FAM227A: variants seen among roughly 807,000 people sequenced by gnomAD.
FAM227A encodes the protein family with sequence similarity 227 member A, also known as protein FAM227A.
FAM227A carries 80 observed loss-of-function variants against 74.7 expected under a neutral mutation model. The ratio of observed to expected loss-of-function variants is 1.07; its 90% confidence interval spans 0.89 to 1.29. The LOEUF is 1.29. FAM227A is among the 50% of genes most tolerant of loss of function. The pLI is 0.00. For synonymous variants in FAM227A, 237 were observed against 241.8 expected, an observed-to-expected ratio of 0.98 and a Z score of 0.19; for missense variants, 654 against 683.4, an observed-to-expected ratio of 0.96 and a Z score of 0.48.
At chr22:38,624,250 C>T (rs1394944826) in intron 9 of FAM227A, among the ~76,000 whole-genome samples, 2 of 152,150 alleles carry the variant, frequency 1.3e-5, no homozygotes, top group African/African-American at 4.8e-5. Flanking sequence ...ACTAAAAATA[C>T]AAAAATTAGC....
chr22:38,612,981 C>T (rs2091447713), intron 11 of FAM227A, among the ~76,000 whole-genome samples: 1 of 143,556 alleles, frequency 7.0e-6, no homozygotes, highest in Admixed American at 7.8e-5. Context: ...TTCCTCCTTA[C>T]AGAGGCCTTC....
chr22:38,621,106 G>A (rs2091679716), intron 10 of FAM227A, among the ~76,000 whole-genome samples: 1 of 152,048 alleles, frequency 6.6e-6, no homozygotes. Flanking sequence ...GGAGGCCAAG[G>A]TGGGTGGATT....
chr22:38,644,921 C>T (rs1006278854), intron 3 of FAM227A, among the ~76,000 whole-genome samples: 4 of 151,840 alleles, frequency 2.6e-5, no homozygotes, highest in African/African-American at 7.3e-5. Context: ...AACCCTTTCT[C>T]TACCAAAAAT....
rs2092304886 is a variant in FAM227A at position 38,650,232 on chromosome 22, C to T, written c.-64G>A. 9 of 1,488,420 alleles carry T rather than the reference C, an allele frequency of 6.0e-6. No individual in the cohort carries two copies. The highest frequency in any genetic ancestry group is 4.0e-5 in the Admixed American group (2 of 49,644). The allele number at this position is 1,488,420 out of a possible 1,614,324, so 92.2% of individuals were successfully genotyped here. ...ACTTTTAAGAGCCTCTCATTTCCCA[C>T]TCCAATCTTGTCGTTTGTTTAATCA... On this transcript the variant is annotated 5_prime_UTR_variant, in exon 2 of 17. The change creates a new upstream start codon in the 5' untranslated region. Transcript: ENST00000535113.
chr22:38,639,786 G>T (rs2092075985), intron 3 of FAM227A, 62 bp from the exon 4 acceptor site: 2 of 1,185,170 alleles, frequency 1.7e-6, no homozygotes, highest in Non-Finnish European at 2.5e-6. Context: ...GAAGGGTGGG[G>T]TTAGGGTCTA....
At position 38,656,368 on chromosome 22, in the gene FAM227A, A is replaced by C. The variant is rs1476814162; in HGVS notation, c.-343T>G. Reference sequence around the variant, plus strand: ...ACTTTCCCGTTTAGCATAACAATGGAACCTTCGTGAGCCGCCGCGTTGTCC... The same window carrying C: ...ACTTTCCCGTTTAGCATAACAATGGCACCTTCGTGAGCCGCCGCGTTGTCC... On this transcript the variant is annotated 5_prime_UTR_variant, in exon 1 of 17. Transcript: ENST00000535113. The C allele has an allele frequency of 3.3e-5, 5 of 152,296 alleles. No homozygotes were observed. The highest frequency in any genetic ancestry group is 7.3e-5 in the Non-Finnish European group (5 of 68,108). 9.4% of individuals were successfully genotyped at this position (152,296 alleles called of 1,614,324 possible).
chr22:38,600,529 G>C (rs1294130653), intron 13 of FAM227A, among the ~76,000 whole-genome samples: 3 of 151,380 alleles, frequency 2.0e-5, no homozygotes, highest in Non-Finnish European at 2.9e-5. Context: ...GTAGAGACAG[G>C]GTTTCACCAC....
chr22:38,613,175 TATTA>T (rs1485789748), intron 11 of FAM227A, among the ~76,000 whole-genome samples: 3 of 82,600 alleles, frequency 3.6e-5, no homozygotes, highest in African/African-American at 1.1e-4. Context: ...GCTGTATATA[TATTA>T]TATATAATAT....
chr22:38,582,271 C>T lies in FAM227A; in HGVS notation c.*3854G>A. 7.1e-7 allele frequency: 1 copy of T among 1,415,684 alleles called. No individual in the cohort carries two copies. The highest frequency in any genetic ancestry group is 9.7e-7 in the Non-Finnish European group (1 of 1,031,394). The allele number at this position is 1,415,684 out of a possible 1,614,324, so 87.7% of individuals were successfully genotyped here. A position where few individuals can be genotyped will look rare whatever the true frequency, so the allele number is the denominator to read the frequency against. On this transcript the variant is annotated 3_prime_UTR_variant, in exon 17 of 17. Coordinates refer to ENST00000535113, the MANE Select transcript of FAM227A (RefSeq NM_001013647.2). Reference sequence around the variant, plus strand: ...CCTGTTCTTCAGGAAACTGTATGTTCTAAAACATACATTTCATCATCAATT... The same window carrying T: ...CCTGTTCTTCAGGAAACTGTATGTTTTAAAACATACATTTCATCATCAATT...
Position 38,646,067 on chromosome 22 carries a change from G to A in FAM227A, c.143-422C>T, listed in dbSNP as rs564745653. On this transcript the variant is annotated intron_variant, in intron 2 of 16. Transcript: ENST00000535113. ...CCCAAAGTGCTCAGATCACAGGCAT[G>A]AGCCACCGCACCTAGCCCATATTTC... is the stretch of plus-strand genomic sequence containing the variant. Among the ~76,000 whole-genome samples the A allele has an allele frequency of 8.5e-5, 13 of 152,164 alleles. No individual in the cohort carries two copies. The South Asian group carries it at 1.0e-3, about 12-fold the overall frequency.
chr22:38,585,240 T>G lies in FAM227A; in HGVS notation c.*885A>C, dbSNP rs946658297. ...GTTGCAGTATTATTTTTTGTTTTCT[T>G]ATTTCTATTTTAGATTAAATCAGAC... On this transcript the variant is annotated 3_prime_UTR_variant, in exon 17 of 17. Coordinates refer to ENST00000535113, the MANE Select transcript of FAM227A (RefSeq NM_001013647.2). 1 of 152,214 alleles carries G rather than the reference T, an allele frequency of 6.6e-6. No individual in the cohort carries two copies. Among genetic ancestry groups the G allele is most frequent in the Non-Finnish European group, 1.5e-5 (1 of 68,046 alleles). 9.4% of individuals were successfully genotyped at this position (152,214 alleles called of 1,614,324 possible).
At chr22:38,617,292 C>CTTTT (rs35990617) in intron 11 of FAM227A, among the ~76,000 whole-genome samples, 5 of 116,156 alleles carry the variant, frequency 4.3e-5, no homozygotes, top group East Asian at 2.6e-4. Context: ...TGAGAACAGA[C>CTTTT]TTTTTTTTTT....
chr22:38,650,391 C>T (rs982196273), intron 1 of FAM227A, 129 bp from the exon 2 acceptor site: 18 of 527,882 alleles, frequency 3.4e-5, no homozygotes, highest in Non-Finnish European at 5.1e-5. Context: ...GAAAGGGTTC[C>T]GTCTGAGAAG....
chr22:38,624,002 G>A (rs1224810031), intron 9 of FAM227A, among the ~76,000 whole-genome samples: 1 of 152,160 alleles, frequency 6.6e-6, no homozygotes, highest in Non-Finnish European at 1.5e-5. Flanking sequence ...AGAAGGTGTA[G>A]CCTTGGACGT....
In FAM227A at chr22:38,609,267, G is replaced by A. The variant is rs535293007; in HGVS notation, c.1039-1791C>T. 5.3e-5 allele frequency among the ~76,000 whole-genome samples: 8 copies of A among 152,314 alleles called. No individual in the cohort carries two copies. In the South Asian group the frequency reaches 1.2e-3, roughly 24 times the overall value. On this transcript the variant is annotated intron_variant, in intron 11 of 16. Transcript: ENST00000535113. ...ATCTCATTAACTGGATCTTAGTCAC[G>A]TGGCCACACGTAGCGGTAGGGGAGG...
At chr22:38,652,713 C>T (rs144862154) in intron 1 of FAM227A, among the ~76,000 whole-genome samples, 7,154 of 148,708 alleles carry the variant, frequency 0.048, 307 homozygotes, top group African/African-American at 0.11. Flanking sequence ...GGTGAAACTC[C>T]GTCTCTACTA....
intron 14 of FAM227A, among the ~76,000 whole-genome samples, chr22:38,598,801 T>A (rs929049833): frequency 6.6e-6 from 1 of 152,176 alleles, no homozygotes; most frequent in Non-Finnish European, 1.5e-5. Context: ...CTGGAACTTA[T>A]CTCAAATCAC....
chr22:38,602,478 G>C (rs1179075481), intron 13 of FAM227A, among the ~76,000 whole-genome samples: 1 of 151,802 alleles, frequency 6.6e-6, no homozygotes, highest in African/African-American at 2.4e-5. Context: ...CTGACATGCT[G>C]TCTCCTAATG....
chr22:38,589,890 C>T (rs569034207), intron 16 of FAM227A, among the ~76,000 whole-genome samples: 54 of 152,178 alleles, frequency 3.5e-4, no homozygotes, highest in Middle Eastern at 3.4e-3. Flanking sequence ...TGCTTCAGCT[C>T]GGGAGTTCGA....
Sources: gnomAD v4.1 joint callset for allele counts (sites outside exome capture counted in the v4.1 genomes callset) on GRCh38, gnomAD v4.1.1 for gene constraint, MANE v1.5 for transcripts, NCBI Gene and HGNC (gene_info 2026-07-23, HGNC 2026-07-21) for gene names.